The following PPP3CB variants were observed in gnomAD, a reference collection of about 807,000 sequenced individuals.
PPP3CB encodes the protein protein phosphatase 3 catalytic subunit beta.
Under a neutral mutation model 66.4 loss-of-function variants are expected in PPP3CB, and 8 were observed. The observed-to-expected ratio is 0.12, with a 90% CI of 0.07 to 0.22. The LOEUF (loss-of-function observed/expected upper bound fraction) is 0.22. Ranked by LOEUF, PPP3CB falls within the 10% of genes least tolerant of loss-of-function variation. The pLI is 1.00. For missense variants in PPP3CB, 319 were observed against 642.5 expected, an observed-to-expected ratio of 0.50 and a Z score of 5.44; for synonymous variants, 208 against 221.2, an observed-to-expected ratio of 0.94 and a Z score of 0.53.
intron 10 of PPP3CB, 72 bp downstream of exon 10, chr10:73,454,340 T>C: frequency 1.8e-6 from 2 of 1,136,090 alleles, no homozygotes; most frequent in Non-Finnish European, 2.5e-6. Flanking sequence ...CAAAATAGTG[T>C]GTACTGAGGC....
chr10:73,481,640 A>C (rs1248859967), intron 1 of PPP3CB, among the ~76,000 whole-genome samples: 3 of 151,786 alleles, frequency 2.0e-5, no homozygotes, highest in Non-Finnish European at 2.9e-5. Flanking sequence ...AAAAACAAAA[A>C]AAAAAACTAG....
chr10:73,478,515 CCT>C lies in PPP3CB; in HGVS notation c.393_394del (p.Gly132LeufsTer3), dbSNP rs770349841. 6.2e-7 allele frequency: 1 copy of C among 1,608,860 alleles called. No individual in the cohort carries two copies. On this transcript the variant is annotated frameshift_variant, in exon 3 of 14. Coordinates refer to ENST00000360663, the MANE Select transcript of PPP3CB (RefSeq NM_021132.4). LOFTEE classifies it high-confidence loss of function. The stretch of plus-strand genomic sequence containing the variant: ...GATTATTACCTCTATACTAAAATAA[CCT>C]CTGTCCACATAATCGCCAAGAAAAA...
intron 9 of PPP3CB, among the ~76,000 whole-genome samples, chr10:73,457,576 A>G (rs931748141): frequency 2.0e-5 from 3 of 151,886 alleles, no homozygotes; most frequent in Non-Finnish European, 4.4e-5. Context: ...TGTCTCTACT[A>G]AAAATACAAA....
In PPP3CB at chr10:73,467,546, A is replaced by G; in HGVS notation, c.1108+7T>C. ...AAACAAATTTTTTTTAAAAATAAAA[A>G]TTATACCTTTTTCTCCAACAAACGG... On this transcript the variant is annotated splice_region_variant and intron_variant, in intron 9 of 13. Transcript: ENST00000360663. The G allele has an allele frequency of 6.7e-7, 1 of 1,503,174 alleles. No homozygotes were observed. The highest frequency in any genetic ancestry group is 8.8e-7 in the Non-Finnish European group (1 of 1,130,330). 93.1% of individuals were successfully genotyped at this position (1,503,174 alleles called of 1,614,324 possible).
Position 73,454,508 on chromosome 10 carries a change from T to A in PPP3CB, c.1109-19A>T. The stretch of plus-strand genomic sequence containing the variant: ...TCTGTCACTATTTGGGAAAAAAAAG[T>A]TACATGTTAGCTGACCATATATAAC... On this transcript the variant is annotated intron_variant, in intron 9 of 13. Transcript: ENST00000360663. 1 of 1,572,932 alleles carries A rather than the reference T, an allele frequency of 6.4e-7. No homozygotes were observed. Among genetic ancestry groups the A allele is most frequent in the Non-Finnish European group, 8.7e-7 (1 of 1,143,558 alleles).
chr10:73,445,879 G>C (rs986069016), intron 11 of PPP3CB, among the ~76,000 whole-genome samples: 2 of 151,880 alleles, frequency 1.3e-5, no homozygotes, highest in Non-Finnish European at 2.9e-5. Flanking sequence ...CTCCCGAGTA[G>C]CTGGGACTAC....
chr10:73,451,940 T>C (rs996527636), intron 10 of PPP3CB, among the ~76,000 whole-genome samples: 2 of 151,498 alleles, frequency 1.3e-5, no homozygotes, highest in African/African-American at 4.8e-5. Context: ...AGAGACAGGG[T>C]TTCACCATGT....
At chr10:73,494,533 G>A (rs908556041) in intron 1 of PPP3CB, among the ~76,000 whole-genome samples, 1 of 151,894 alleles carries the variant, frequency 6.6e-6, no homozygotes, top group East Asian at 1.9e-4. Flanking sequence ...GAGTTCAAGC[G>A]ATCCGCCTGC....
At chr10:73,470,835 G>A (rs2056690790) in intron 7 of PPP3CB, 52 bp downstream of exon 7, 2 of 1,588,592 alleles carry the variant, frequency 1.3e-6, no homozygotes, top group Non-Finnish European at 1.7e-6. Flanking sequence ...TGGTTACTAA[G>A]TTTGATTTAT....
intron 1 of PPP3CB, among the ~76,000 whole-genome samples, chr10:73,482,413 C>T (rs1564567419): frequency 1.3e-5 from 2 of 151,094 alleles, no homozygotes; most frequent in African/African-American, 2.4e-5. Flanking sequence ...TGTGGTGGTG[C>T]ACACCTGTAG....
chr10:73,457,047 A>C (rs542797389), intron 9 of PPP3CB, among the ~76,000 whole-genome samples: 1 of 152,110 alleles, frequency 6.6e-6, no homozygotes, highest in East Asian at 1.9e-4. Context: ...ATTTCAATAA[A>C]GCTGTTACGA....
chr10:73,445,027 G>A (rs77321553), intron 11 of PPP3CB, among the ~76,000 whole-genome samples: 7,086 of 152,178 alleles, frequency 0.047, 503 homozygotes, highest in African/African-American at 0.15. Flanking sequence ...GGCATATATT[G>A]TTTTTCCTGA....
chr10:73,442,314 G>C (rs1021623637), intron 12 of PPP3CB, among the ~76,000 whole-genome samples: 2 of 152,148 alleles, frequency 1.3e-5, no homozygotes, highest in Non-Finnish European at 2.9e-5. Flanking sequence ...AAAGTTGAAG[G>C]AATGAGCTTC....
At chr10:73,486,235 C>T (rs1487307894) in intron 1 of PPP3CB, among the ~76,000 whole-genome samples, 4 of 151,370 alleles carry the variant, frequency 2.6e-5, no homozygotes, top group East Asian at 1.9e-4. Context: ...TGAGCCACCA[C>T]GCCCAGCCAA....
At chr10:73,441,361 G>A (rs993461222) in intron 12 of PPP3CB, among the ~76,000 whole-genome samples, 1 of 152,104 alleles carries the variant, frequency 6.6e-6, no homozygotes, top group Non-Finnish European at 1.5e-5. Flanking sequence ...CAGCACTCTC[G>A]GATGGCTGAG....
In PPP3CB at chr10:73,459,588, A is replaced by C. The variant is rs373692540; in HGVS notation, c.1109-5099T>G. 3.5e-4 allele frequency among the ~76,000 whole-genome samples: 53 copies of C among 152,380 alleles called. 1 individual carries two copies. The highest frequency in any genetic ancestry group is 1.2e-3 in the African/African-American group (49 of 41,590). On this transcript the variant is annotated intron_variant, in intron 9 of 13. Coordinates refer to ENST00000360663, the MANE Select transcript of PPP3CB (RefSeq NM_021132.4). ...ATGTCTATCAGCTGATGAATAAAACAAACAAAATGTGCTATATCCATACAA... is the reference window on the plus strand; with the variant it reads ...ATGTCTATCAGCTGATGAATAAAACCAACAAAATGTGCTATATCCATACAA...
intron 1 of PPP3CB, among the ~76,000 whole-genome samples, chr10:73,495,009 T>A (rs2133068748): frequency 6.6e-6 from 1 of 152,336 alleles, no homozygotes; most frequent in South Asian, 2.1e-4. Context: ...CTGTTGTGGG[T>A]AAACATCCAT....
At chr10:73,495,466 C>T in intron 1 of PPP3CB, 1 of 173,126 alleles carries the variant, frequency 5.8e-6, no homozygotes, top group South Asian at 1.2e-4. Context: ...AGAAGTGCAG[C>T]TGTCGCGGGG....
At chr10:73,489,408 CAATAATAAT>C (rs10524475) in intron 1 of PPP3CB, among the ~76,000 whole-genome samples, 16 of 149,902 alleles carry the variant, frequency 1.1e-4, no homozygotes, top group Non-Finnish European at 1.9e-4. Context: ...TTAAAACCTT[CAATAATAAT>C]AATAATAATA....
Sources: allele counts gnomAD v4.1 joint callset (sites outside exome capture counted in the v4.1 genomes callset), GRCh38; gene constraint gnomAD v4.1.1; transcripts MANE v1.5; gene names NCBI Gene and HGNC (gene_info 2026-07-23, HGNC 2026-07-21).